ZNF341: variants seen among roughly 807,000 people sequenced by gnomAD.
ZNF341 encodes zinc finger protein 341.
A neutral mutation model predicts 87.7 loss-of-function variants in ZNF341; 52 were observed. That is an observed-to-expected ratio of 0.59 (90% CI 0.47 to 0.75). The LOEUF is 0.75. Among genes scored for constraint, ZNF341 ranks in the 30% least tolerant of loss-of-function variants. ZNF341 has a pLI of 0.00. For missense variants in ZNF341, 977 were observed against 1,145.9 expected (o/e 0.85, Z 2.13); for synonymous variants, 459 against 472.7 (o/e 0.97, Z 0.38).
chr20:33,737,417 G>T (rs1041838178), intron 1 of ZNF341, among the ~76,000 whole-genome samples: 4 of 152,174 alleles, frequency 2.6e-5, no homozygotes, highest in Non-Finnish European at 5.9e-5. Context: ...CGCCTCCTGG[G>T]TTCACGCCAT....
chr20:33,748,790 C>G, intron 3 of ZNF341, 133 bp from the exon 4 acceptor site: 5 of 855,356 alleles, frequency 5.8e-6, no homozygotes, highest in Non-Finnish European at 1.8e-6. Flanking sequence ...GATTCCAGAA[C>G]CTGGATCTTT....
chr20:33,734,779 A>T (rs541187823), intron 1 of ZNF341, among the ~76,000 whole-genome samples: 57 of 152,058 alleles, frequency 3.7e-4, no homozygotes, highest in Non-Finnish European at 6.9e-4. Context: ...ATCTTGGCTC[A>T]ATGCAGCCTC....
intron 10 of ZNF341, among the ~76,000 whole-genome samples, chr20:33,778,658 C>G (rs2019674344): frequency 6.6e-6 from 1 of 152,156 alleles, no homozygotes; most frequent in Non-Finnish European, 1.5e-5. Flanking sequence ...TTTCAGAGTG[C>G]GGTCTATGGG....
chr20:33,788,502 C>G (rs1310813192), intron 12 of ZNF341: 3 of 311,996 alleles, frequency 9.6e-6, no homozygotes, highest in Non-Finnish European at 1.9e-5. Context: ...GGCTCGCTGC[C>G]CTCACCTTCT....
At chr20:33,770,326 A>T in intron 10 of ZNF341, 34 bp downstream of exon 10, 1 of 505,080 alleles carries the variant, frequency 2.0e-6, no homozygotes, top group Non-Finnish European at 4.1e-6. Context: ...CCCTGGGTGG[A>T]CGGGTGGGTG....
intron 6 of ZNF341, among the ~76,000 whole-genome samples, chr20:33,757,669 C>T (rs1471062622): frequency 6.6e-6 from 1 of 152,160 alleles, no homozygotes; most frequent in African/African-American, 2.4e-5. Context: ...CCAGTCATCA[C>T]TTTAATATTC....
chr20:33,757,099 C>T, intron 5 of ZNF341, 49 bp from the exon 6 acceptor site: 2 of 1,362,156 alleles, frequency 1.5e-6, no homozygotes, highest in Non-Finnish European at 1.9e-6. Context: ...GCTGGGAGCT[C>T]TTCCCCTTCC....
chr20:33,733,026 TA>T (rs1017179206), intron 1 of ZNF341, among the ~76,000 whole-genome samples: 5 of 152,180 alleles, frequency 3.3e-5, no homozygotes, highest in Non-Finnish European at 5.9e-5. Context: ...TGCAGCTTCC[TA>T]GGAGATCTCA....
At chr20:33,777,036 CT>C (rs2019640775) in intron 10 of ZNF341, among the ~76,000 whole-genome samples, 1 of 150,846 alleles carries the variant, frequency 6.6e-6, no homozygotes, top group Non-Finnish European at 1.5e-5. Context: ...AAGTTGGGCT[CT>C]GTGCGGTGGC....
rs755402193 is a variant in ZNF341 at position 33,770,215 on chromosome 20, G to A, written c.1545G>A (p.Leu515=). ...TCTGCGGCAAGGACTTCCCCTCGCT[G>A]TACGACCTGGGCGTGCACCAGTACT... is the stretch of plus-strand genomic sequence containing the variant. ...CHLCGKDFPS[L]YDLGVHQYSH... is the part of the protein sequence containing the mutation. The change falls in exon 10 of 15, where the codon CTG becomes CTA. Residue 515 remains leucine, a synonymous_variant. Coordinates refer to ENST00000375200, the MANE Select transcript of ZNF341 (RefSeq NM_001282933.2). The A allele has an allele frequency of 6.2e-7, 1 of 1,614,104 alleles. No individual in the cohort carries two copies. The highest frequency in any genetic ancestry group is 1.1e-5 in the South Asian group (1 of 91,088).
In ZNF341 at chr20:33,789,543, T is replaced by C; in HGVS notation, c.1990T>C (p.Phe664Leu). The change falls in exon 14 of 15, where the codon TTC becomes CTC. Residue 664 changes from phenylalanine to leucine, a missense_variant. Coordinates refer to ENST00000375200, the MANE Select transcript of ZNF341 (RefSeq NM_001282933.2). The part of the protein sequence containing the change: ...FSTHTGCSKE[F>L]NRPDKLKAHI... ...GACGCACACAGGCTGCAGTAAGGAG[T>C]TCAACCGGCCGGACAAGCTGAAGGC... 2 of 1,613,454 alleles carry C rather than the reference T, an allele frequency of 1.2e-6. No homozygotes were observed. Among genetic ancestry groups the C allele is most frequent in the Non-Finnish European group, 8.5e-7 (1 of 1,179,870 alleles).
chr20:33,738,983 A>G (rs2018749715), intron 1 of ZNF341, among the ~76,000 whole-genome samples: 1 of 151,970 alleles, frequency 6.6e-6, no homozygotes, highest in African/African-American at 2.4e-5. Context: ...ATTTTATTTT[A>G]TTTTTGAGAC....
At chr20:33,785,907 G>T (rs1225463648) in intron 12 of ZNF341, among the ~76,000 whole-genome samples, 1 of 151,764 alleles carries the variant, frequency 6.6e-6, no homozygotes, top group Non-Finnish European at 1.5e-5. Context: ...AATTCTGTGG[G>T]TCCCCCTCCC....
intron 12 of ZNF341, among the ~76,000 whole-genome samples, chr20:33,785,491 C>A (rs539603721): frequency 6.6e-6 from 1 of 152,090 alleles, no homozygotes. Context: ...GCGCCCACCA[C>A]ATGCCTGGCT....
chr20:33,740,798 G>A (rs969627136), intron 1 of ZNF341, 104 bp from the exon 2 acceptor site: 23 of 985,720 alleles, frequency 2.3e-5, no homozygotes, highest in Admixed American at 8.0e-5. Flanking sequence ...CTGAGCCACC[G>A]TACCCAGCCG....
intron 12 of ZNF341, chr20:33,788,091 C>G (rs1176031759): frequency 4.1e-3 from 2 of 482 alleles, no homozygotes; most frequent in African/African-American, 0.042. Context: ...CTGTTCAGAC[C>G]TTCTGGTGCT....
chr20:33,749,630 C>T (rs2019013276), intron 4 of ZNF341, among the ~76,000 whole-genome samples: 1 of 151,928 alleles, frequency 6.6e-6, no homozygotes, highest in Non-Finnish European at 1.5e-5. Flanking sequence ...CGGGGTTTCA[C>T]CATGTTGGCC....
chr20:33,781,484 C>A, intron 11 of ZNF341, 97 bp downstream of exon 11: 1 of 1,099,252 alleles, frequency 9.1e-7, no homozygotes, highest in Non-Finnish European at 1.4e-6. Context: ...TCCTCTCTCA[C>A]CATAGGACAC....
intron 10 of ZNF341, among the ~76,000 whole-genome samples, chr20:33,770,696 A>G (rs1330615442): frequency 4.6e-5 from 7 of 152,166 alleles, no homozygotes; most frequent in Non-Finnish European, 1.0e-4. Flanking sequence ...TTAAAAAAGA[A>G]TGGGCAGGGT....
Sources: gnomAD v4.1 joint callset for allele counts (sites outside exome capture counted in the v4.1 genomes callset) on GRCh38, gnomAD v4.1.1 for gene constraint, MANE v1.5 for transcripts, NCBI Gene and HGNC (gene_info 2026-07-23, HGNC 2026-07-21) for gene names.